KCNIP1: variants seen among roughly 807,000 people sequenced by gnomAD.
KCNIP1 encodes the protein potassium voltage-gated channel interacting protein 1.
KCNIP1 carries 18 observed loss-of-function variants against 33.0 expected under a neutral mutation model. That is an observed-to-expected ratio of 0.55 (90% CI 0.38 to 0.81). KCNIP1 has a LOEUF of 0.81. Ranked by LOEUF, KCNIP1 falls within the 30% of genes least tolerant of loss-of-function variation. The probability of loss-of-function intolerance (pLI) is 0.00; values close to 1 mark genes in which losing one functional copy is unlikely to be tolerated. For missense variants in KCNIP1, 238 were observed against 271.6 expected (o/e 0.88, Z 0.87); for synonymous variants, 93 against 98.3 (o/e 0.95, Z 0.32).
chr5:170,640,254 G>A (rs115612671), intron 1 of KCNIP1, among the ~76,000 whole-genome samples: 2,923 of 152,340 alleles, frequency 0.019, 38 homozygotes, highest in Middle Eastern at 0.065. Flanking sequence ...CAGTGGTCCC[G>A]TGGCTAGGAA....
intron 1 of KCNIP1, among the ~76,000 whole-genome samples, chr5:170,460,732 T>C (rs1403090374): frequency 2.0e-5 from 3 of 146,376 alleles, no homozygotes; most frequent in African/African-American, 7.8e-5. Flanking sequence ...ACAGCCTACA[T>C]AATACTGAGA....
At chr5:170,617,465 T>C (rs924431288) in intron 1 of KCNIP1, among the ~76,000 whole-genome samples, 1 of 152,164 alleles carries the variant, frequency 6.6e-6, no homozygotes, top group Non-Finnish European at 1.5e-5. Flanking sequence ...TGCTGCCCAC[T>C]GAGGGACCTC....
chr5:170,390,513 A>AT (rs1554088932), intron 1 of KCNIP1, among the ~76,000 whole-genome samples: 651 of 28,804 alleles, frequency 0.023, 51 homozygotes, highest in African/African-American at 0.076. Flanking sequence ...AAAAAAAAAA[A>AT]ACAAATATAT....
intron 1 of KCNIP1, among the ~76,000 whole-genome samples, chr5:170,534,148 A>G (rs910940900): frequency 1.3e-5 from 2 of 152,250 alleles, no homozygotes; most frequent in Non-Finnish European, 2.9e-5. Context: ...GGAGGGGCCA[A>G]ACAGGATACT....
Position 170,504,380 on chromosome 5 carries a change from A to G in KCNIP1, c.-193A>G. On this transcript the variant is annotated 5_prime_UTR_variant, in exon 1 of 8. The change abolishes an upstream ATG in the 5' untranslated region. Transcript: ENST00000328939. This position sits in a 1 kb window ranked among gnomAD's most constrained non-coding sequence, Gnocchi z 6.0. ...GGAGCGGCTAGCCCTGAGTCCCTGC[A>G]TGTGCGGGGCTGAAGAAGGAAGCCA... is the stretch of plus-strand genomic sequence containing the variant. 3 of 1,433,556 alleles carry G rather than the reference A, an allele frequency of 2.1e-6. No homozygotes were observed. Among genetic ancestry groups the G allele is most frequent in the Admixed American group, 5.8e-5 (2 of 34,690 alleles). 88.8% of individuals were successfully genotyped at this position (1,433,556 alleles called of 1,614,324 possible).
intron 1 of KCNIP1, among the ~76,000 whole-genome samples, chr5:170,709,537 C>T (rs996035764): frequency 2.0e-5 from 3 of 152,188 alleles, no homozygotes; most frequent in Admixed American, 1.3e-4. Flanking sequence ...CTTATGCTTA[C>T]AAGCAGCATT....
intron 1 of KCNIP1, among the ~76,000 whole-genome samples, chr5:170,574,201 G>A (rs1757518048): frequency 6.6e-6 from 1 of 152,308 alleles, no homozygotes; most frequent in South Asian, 2.1e-4. Context: ...ACTTTATTAA[G>A]TGAAAAGACA....
At chr5:170,367,427 AAAGAAAGAAAGG>A (rs1763719569) in intron 1 of KCNIP1, among the ~76,000 whole-genome samples, 2 of 148,176 alleles carry the variant, frequency 1.3e-5, no homozygotes, top group African/African-American at 5.0e-5. Flanking sequence ...GAAAGGAAAG[AAAGAAAGAAAGG>A]AAAGAAAGGA....
At chr5:170,407,944 T>C (rs1236779962) in intron 1 of KCNIP1, among the ~76,000 whole-genome samples, 1 of 152,176 alleles carries the variant, frequency 6.6e-6, no homozygotes, top group Non-Finnish European at 1.5e-5. Context: ...ATGGGCTTTG[T>C]TGAAGCACAA....
At chr5:170,382,323 A>T (rs1015210838) in intron 1 of KCNIP1, among the ~76,000 whole-genome samples, 1 of 152,076 alleles carries the variant, frequency 6.6e-6, no homozygotes, top group Non-Finnish European at 1.5e-5. Context: ...CTAGTGTTGG[A>T]CCCTAGTTTT....
rs772501329 is a variant in KCNIP1 at position 170,504,631 on chromosome 5, A to G, written c.59A>G (p.Lys20Arg). 6.2e-7 allele frequency: 1 copy of G among 1,613,100 alleles called. No individual in the cohort carries two copies. The highest frequency in any genetic ancestry group is 8.5e-7 in the Non-Finnish European group (1 of 1,179,324). The change falls in exon 1 of 8, where the codon AAA becomes AGA. Residue 20 changes from lysine to arginine, a missense_variant and splice_region_variant. Coordinates refer to ENST00000328939, the MANE Select transcript of KCNIP1 (RefSeq NM_014592.4). This position sits in a 1 kb window ranked among gnomAD's most constrained non-coding sequence, Gnocchi z 6.0. ...SLQTKQRRPS[K>R]DKIEDELEMT... ...CAAACCAAACAAAGGCGACCCTCGA[A>G]AGGTAAGCCACCTTCTTCCTTTTGT...
intron 1 of KCNIP1, among the ~76,000 whole-genome samples, chr5:170,425,486 G>A (rs922953514): frequency 1.3e-5 from 2 of 152,076 alleles, no homozygotes; most frequent in Non-Finnish European, 2.9e-5. Flanking sequence ...AGAAAAGCTA[G>A]GAGGCCCTTT....
intron 1 of KCNIP1, among the ~76,000 whole-genome samples, chr5:170,355,359 A>G (rs1275922034): frequency 6.6e-6 from 1 of 152,210 alleles, no homozygotes; most frequent in African/African-American, 2.4e-5. Flanking sequence ...GAAATTTCAC[A>G]AAGTCTCCCC....
intron 1 of KCNIP1, among the ~76,000 whole-genome samples, chr5:170,367,137 G>A (rs368506241): frequency 3.3e-5 from 5 of 151,934 alleles, no homozygotes; most frequent in East Asian, 1.9e-4. Flanking sequence ...TGACCACAGC[G>A]AAACCCTGTC....
At chr5:170,712,404 G>C (rs950372567) in intron 1 of KCNIP1, among the ~76,000 whole-genome samples, 2 of 152,196 alleles carry the variant, frequency 1.3e-5, no homozygotes, top group Non-Finnish European at 2.9e-5. Flanking sequence ...TTATTGGGTG[G>C]AGTGAGCAAA....
chr5:170,487,685 CTAATTTTTG>C (rs1757127578), intron 1 of KCNIP1, among the ~76,000 whole-genome samples: 1 of 152,030 alleles, frequency 6.6e-6, no homozygotes, highest in Admixed American at 6.5e-5. Context: ...CCAAATCCAG[CTAATTTTTG>C]TATTTTTTGT....
chr5:170,553,572 G>A (rs564712082), intron 1 of KCNIP1, among the ~76,000 whole-genome samples: 54 of 152,184 alleles, frequency 3.5e-4, no homozygotes, highest in Non-Finnish European at 6.6e-4. Flanking sequence ...TCTCCTCAGC[G>A]GGCTGGAGCA....
At chr5:170,595,786 C>A (rs1171793148) in intron 1 of KCNIP1, among the ~76,000 whole-genome samples, 3 of 152,198 alleles carry the variant, frequency 2.0e-5, no homozygotes, top group Admixed American at 2.0e-4. Flanking sequence ...GATTTGAACC[C>A]AAGACTCTAA....
At chr5:170,413,952 G>A (rs1294833887) in intron 1 of KCNIP1, among the ~76,000 whole-genome samples, 1 of 149,690 alleles carries the variant, frequency 6.7e-6, no homozygotes, top group Non-Finnish European at 1.5e-5. Context: ...AAAAAAGGCA[G>A]AGCAAGTTGA....
Sources: allele counts gnomAD v4.1 joint callset (sites outside exome capture counted in the v4.1 genomes callset), GRCh38; gene constraint gnomAD v4.1.1; non-coding constraint Gnocchi (gnomAD v3.1); transcripts MANE v1.5; gene names NCBI Gene and HGNC (gene_info 2026-07-23, HGNC 2026-07-21).